TUBB3: variants seen among roughly 807,000 people sequenced by gnomAD.
TUBB3 encodes the protein tubulin beta-3 chain.
TUBB3 carries 17 observed loss-of-function variants against 37.8 expected under a neutral mutation model. The observed-to-expected ratio is 0.45, with a 90% CI of 0.31 to 0.67. TUBB3 has a LOEUF of 0.67. Among genes scored for constraint, TUBB3 ranks in the 30% least tolerant of loss-of-function variants. The probability of loss-of-function intolerance (pLI) is 0.07; values close to 1 mark genes in which losing one functional copy is unlikely to be tolerated. For missense variants in TUBB3, 262 were observed against 657.9 expected (o/e 0.40, Z 6.58); for synonymous variants, 332 against 278.9 (o/e 1.19, Z -1.90).
intron 1 of TUBB3, among the ~76,000 whole-genome samples, chr16:89,925,835 G>C (rs1201619327): frequency 6.6e-6 from 1 of 152,174 alleles, no homozygotes; most frequent in African/African-American, 2.4e-5. Context: ...GTGCACTCTG[G>C]GCAGAGGGAA....
chr16:89,923,721 C>G (rs906360597), intron 1 of TUBB3, among the ~76,000 whole-genome samples: 1 of 152,152 alleles, frequency 6.6e-6, no homozygotes, highest in Non-Finnish European at 1.5e-5. Context: ...CACACCTGCG[C>G]CCCCTCCACA....
chr16:89,927,627 A>G (rs555505011), intron 1 of TUBB3, among the ~76,000 whole-genome samples: 1 of 152,308 alleles, frequency 6.6e-6, no homozygotes, highest in South Asian at 2.1e-4. Flanking sequence ...AATAGTATCT[A>G]AAACATTTGA....
At chr16:89,930,755 T>G (rs2030252577) in intron 1 of TUBB3, among the ~76,000 whole-genome samples, 1 of 152,048 alleles carries the variant, frequency 6.6e-6, no homozygotes, top group Admixed American at 6.6e-5. Flanking sequence ...AGACTCATGC[T>G]TCTCATGCTT....
intron 1 of TUBB3, among the ~76,000 whole-genome samples, chr16:89,925,806 T>G (rs1221523455): frequency 2.0e-5 from 3 of 152,158 alleles, no homozygotes; most frequent in Non-Finnish European, 4.4e-5. Context: ...GGGCGGTGCC[T>G]GGCTGGGCAG....
chr16:89,926,866 C>T (rs1460145362), intron 1 of TUBB3, among the ~76,000 whole-genome samples: 1 of 151,984 alleles, frequency 6.6e-6, no homozygotes, highest in Admixed American at 6.5e-5. Flanking sequence ...TACAGGCGCC[C>T]GCCACCACAC....
In TUBB3 at chr16:89,936,041, G is replaced by A. The variant is rs1167655988; in HGVS notation, c.*237G>A. On this transcript the variant is annotated 3_prime_UTR_variant, in exon 4 of 4. Coordinates refer to ENST00000315491, the MANE Select transcript of TUBB3 (RefSeq NM_006086.4). Reference sequence around the variant, plus strand: ...ACGTTTTACGGTTTTGTTTTTTACTGGTTTGTGTTTATATTTTCGGGGATA... The same window carrying A: ...ACGTTTTACGGTTTTGTTTTTTACTAGTTTGTGTTTATATTTTCGGGGATA... 1.2e-5 allele frequency: 7 copies of A among 603,580 alleles called. No individual in the cohort carries two copies. Among genetic ancestry groups the A allele is most frequent in the Non-Finnish European group, 2.0e-5 (7 of 343,106 alleles). 37.4% of individuals were successfully genotyped at this position (603,580 alleles called of 1,614,324 possible). A position where few individuals can be genotyped will look rare whatever the true frequency, so the allele number is the denominator to read the frequency against.
chr16:89,933,694 A>G, intron 3 of TUBB3, 116 bp downstream of exon 3: 1 of 857,494 alleles, frequency 1.2e-6, no homozygotes, highest in Non-Finnish European at 2.0e-6. Flanking sequence ...ATGATCCTGA[A>G]TGGTGGGAAC....
chr16:89,927,110 C>T (rs1478400672), intron 1 of TUBB3, among the ~76,000 whole-genome samples: 1 of 151,918 alleles, frequency 6.6e-6, no homozygotes. Context: ...TGCGGTGGCT[C>T]ACACCTGTAA....
chr16:89,923,058 T>C (rs1005205682), upstream of TUBB3, among the ~76,000 whole-genome samples: 1 of 152,062 alleles, frequency 6.6e-6, no homozygotes, highest in Non-Finnish European at 1.5e-5. Flanking sequence ...AGAGGGGCCA[T>C]TGTCCTCCCT....
intron 1 of TUBB3, among the ~76,000 whole-genome samples, chr16:89,925,217 A>G (rs1228559338): frequency 6.6e-6 from 1 of 152,172 alleles, no homozygotes; most frequent in Non-Finnish European, 1.5e-5. Context: ...GCTTCTGAAC[A>G]CTGGAGCTCT....
chr16:89,935,951 C>G lies in TUBB3; in HGVS notation c.*147C>G. ...CGCCCTCCTGCAGTATTTATGGCCTCGTCCTCCCCACCTAGGCCACGTGTG... is the reference window on the plus strand; with the variant it reads ...CGCCCTCCTGCAGTATTTATGGCCTGGTCCTCCCCACCTAGGCCACGTGTG... On this transcript the variant is annotated 3_prime_UTR_variant, in exon 4 of 4. Transcript: ENST00000315491. 9.7e-7 allele frequency: 1 copy of G among 1,027,846 alleles called. No homozygotes were observed. Among genetic ancestry groups the G allele is most frequent in the East Asian group, 2.6e-5 (1 of 38,328 alleles). The allele number at this position is 1,027,846 out of a possible 1,614,324, so 63.7% of individuals were successfully genotyped here.
chr16:89,930,059 C>T (rs866156097), intron 1 of TUBB3, among the ~76,000 whole-genome samples: 9 of 93,204 alleles, frequency 9.7e-5, no homozygotes, highest in African/African-American at 3.4e-4. Flanking sequence ...TTCCTTCCTT[C>T]CTCTCTCTCT....
chr16:89,925,978 G>A (rs1303540863), intron 1 of TUBB3, among the ~76,000 whole-genome samples: 2 of 152,130 alleles, frequency 1.3e-5, no homozygotes, highest in Non-Finnish European at 2.9e-5. Context: ...TAAGCCGGGC[G>A]CAGCCCGCCG....
chr16:89,926,205 G>C (rs111398992), intron 1 of TUBB3, among the ~76,000 whole-genome samples: 26 of 152,252 alleles, frequency 1.7e-4, no homozygotes, highest in Admixed American at 4.6e-4. Context: ...AGCGGCGGAG[G>C]GGGGAGCCTT....
chr16:89,923,447 A>T lies in TUBB3; in HGVS notation c.46A>T (p.Ile16Phe), dbSNP rs2144399297. The change falls in exon 1 of 4, where the codon ATC (isoleucine) becomes TTC (phenylalanine). Residue 16 changes from isoleucine to phenylalanine, a missense_variant. Ile to Phe is a conservative substitution (Grantham distance 21, BLOSUM62 0). Around this residue, in one of 3 missense-constraint regions of TUBB3, gnomAD observed 58 missense variants for 74.2 expected, o/e 0.78. Coordinates refer to ENST00000315491, the MANE Select transcript of TUBB3 (RefSeq NM_006086.4). The stretch of plus-strand genomic sequence containing the variant: ...CCAGGCCGGCCAGTGCGGCAACCAG[A>T]TCGGGGCCAAGGTGAGGCTGCGCGC... ...HIQAGQCGNQ[I>F]GAKFWEVISD... 1.3e-6 allele frequency: 2 copies of T among 1,510,964 alleles called. No homozygotes were observed. Among genetic ancestry groups the T allele is most frequent in the Non-Finnish European group, 1.8e-6 (2 of 1,129,402 alleles). The allele number at this position is 1,510,964 out of a possible 1,614,324, so 93.6% of individuals were successfully genotyped here.
intron 1 of TUBB3, 26 bp from the exon 2 acceptor site, chr16:89,932,545 C>T: frequency 6.3e-7 from 1 of 1,587,738 alleles, no homozygotes. Flanking sequence ...CCGGTGCCGA[C>T]CCCCCCTCTC....
chr16:89,922,639 G>A (rs1487427922), upstream of TUBB3: 2 of 152,272 alleles, frequency 1.3e-5, no homozygotes, highest in African/African-American at 4.8e-5. Context: ...GGCACGTCCA[G>A]GTGCTGTGCG....
intron 3 of TUBB3, 177 bp downstream of exon 3, chr16:89,933,755 G>T (rs2030352940): frequency 2.8e-6 from 2 of 713,768 alleles, no homozygotes; most frequent in South Asian, 2.9e-5. Flanking sequence ...AAAGGGTTCT[G>T]TGGGGAGAAC....
At chr16:89,927,389 A>T (rs1000847201) in intron 1 of TUBB3, among the ~76,000 whole-genome samples, 1 of 152,102 alleles carries the variant, frequency 6.6e-6, no homozygotes, top group African/African-American at 2.4e-5. Context: ...TATCTAAAAA[A>T]AAAAAAGGAA....
Sources: allele counts gnomAD v4.1 joint callset (sites outside exome capture counted in the v4.1 genomes callset), GRCh38; gene constraint gnomAD v4.1.1; regional missense constraint gnomAD v4.1.1; transcripts MANE v1.5; gene names NCBI Gene and HGNC (gene_info 2026-07-23, HGNC 2026-07-21).